Variants in SCHIP1 observed in about 807,000 individuals in gnomAD.
SCHIP1 encodes the protein schwannomin-interacting protein 1.
A neutral mutation model predicts 29.7 loss-of-function variants in SCHIP1; 8 were observed. The ratio of observed to expected loss-of-function variants is 0.27; its 90% CI spans 0.16 to 0.49. SCHIP1 has a LOEUF of 0.49. SCHIP1 is among the 20% of genes least tolerant of loss of function. The probability of loss-of-function intolerance (pLI) is 0.99; values close to 1 mark genes in which losing one functional copy is unlikely to be tolerated. For synonymous variants in SCHIP1, 76 were observed against 94.9 expected, an observed-to-expected ratio of 0.80 and a Z score of 1.16; for missense variants, 193 against 294.6, an observed-to-expected ratio of 0.66 and a Z score of 2.52.
At chr3:159,868,218 T>C (rs1447685930) in intron 2 of SCHIP1, among the ~76,000 whole-genome samples, 4 of 151,686 alleles carry the variant, frequency 2.6e-5, no homozygotes. Context: ...TGTGTATATG[T>C]ATACTCCAGA....
the SCHIP1 span, among the ~76,000 whole-genome samples, chr3:159,821,295 G>T: frequency 1.1e-4 from 17 of 152,190 alleles, no homozygotes; most frequent in African/African-American, 4.1e-4. Flanking sequence ...GTCTTTCAAG[G>T]AGTTTTGTGG....
the SCHIP1 span, among the ~76,000 whole-genome samples, chr3:159,786,149 T>TG: frequency 2.0e-5 from 3 of 152,244 alleles, no homozygotes; most frequent in Non-Finnish European, 4.4e-5. Context: ...AGGAAATACC[T>TG]GGAAGACTTA....
At chr3:159,342,217 G>A in the SCHIP1 span, among the ~76,000 whole-genome samples, 1 of 152,098 alleles carries the variant, frequency 6.6e-6, no homozygotes, top group Non-Finnish European at 1.5e-5. Context: ...AGAAATTTCA[G>A]GCATTTTGAC....
the SCHIP1 span, among the ~76,000 whole-genome samples, chr3:159,275,312 C>T: frequency 6.6e-6 from 1 of 152,254 alleles, no homozygotes; most frequent in South Asian, 2.1e-4. Context: ...CACACCATTG[C>T]ATGTACCTCT....
chr3:159,362,374 AGGACTTCT>A, the SCHIP1 span, among the ~76,000 whole-genome samples: 2 of 152,204 alleles, frequency 1.3e-5, no homozygotes, highest in African/African-American at 2.4e-5. Flanking sequence ...GATTTACTTA[AGGACTTCT>A]GCACAGCACG....
At chr3:159,778,322 T>TTA in the SCHIP1 span, among the ~76,000 whole-genome samples, 2 of 152,038 alleles carry the variant, frequency 1.3e-5, no homozygotes, top group African/African-American at 4.8e-5. Flanking sequence ...AGTTTTTTTT[T>TTA]AAAAAACTTA....
At chr3:159,426,788 A>C in the SCHIP1 span, among the ~76,000 whole-genome samples, 3 of 152,202 alleles carry the variant, frequency 2.0e-5, no homozygotes, top group Non-Finnish European at 2.9e-5. Context: ...ATCCTCAATA[A>C]AATACTGGCA....
the SCHIP1 span, among the ~76,000 whole-genome samples, chr3:159,755,342 T>C: frequency 2.6e-5 from 4 of 152,214 alleles, no homozygotes; most frequent in East Asian, 1.9e-4. Flanking sequence ...ACATCTTATA[T>C]GGATGGCAGC....
the SCHIP1 span, among the ~76,000 whole-genome samples, chr3:159,775,598 G>T: frequency 6.6e-6 from 1 of 152,176 alleles, no homozygotes; most frequent in Non-Finnish European, 1.5e-5. Context: ...CTAGCACAGG[G>T]TGCCTCTGGT....
At chr3:159,870,102 C>G (rs746194815) in intron 2 of SCHIP1, among the ~76,000 whole-genome samples, 1 of 151,930 alleles carries the variant, frequency 6.6e-6, no homozygotes, top group Non-Finnish European at 1.5e-5. Context: ...TACTTCTCTA[C>G]TCTCCTATTA....
At chr3:159,804,051 G>C in the SCHIP1 span, among the ~76,000 whole-genome samples, 3 of 152,150 alleles carry the variant, frequency 2.0e-5, no homozygotes, top group African/African-American at 7.2e-5. Context: ...TGACCCTTTT[G>C]ATGTTTCTTT....
chr3:159,764,570 CG>C, the SCHIP1 span: 4 of 1,604,894 alleles, frequency 2.5e-6, no homozygotes, highest in Non-Finnish European at 3.4e-6. The surrounding 1 kb of genome is among the most constrained non-coding windows in gnomAD (Gnocchi z 6.1). Context: ...TCATCGTCGC[CG>C]GGGGGCAGCC....
chr3:159,609,585 G>A, the SCHIP1 span, among the ~76,000 whole-genome samples: 2 of 151,990 alleles, frequency 1.3e-5, no homozygotes. Context: ...GATTGTAAGT[G>A]ATAAGTGCCA....
At chr3:159,293,742 T>C in the SCHIP1 span, among the ~76,000 whole-genome samples, 17,036 of 152,212 alleles carry the variant, frequency 0.11, 1,077 homozygotes, top group Middle Eastern at 0.14. Flanking sequence ...TTTAAAAGCC[T>C]ATTATTCTCA....
the SCHIP1 span, among the ~76,000 whole-genome samples, chr3:159,603,442 C>G: frequency 6.6e-6 from 1 of 151,716 alleles, no homozygotes; most frequent in Non-Finnish European, 1.5e-5. Context: ...CTGAAAGTCC[C>G]AACTCTCTAA....
At chr3:159,670,776 A>G in the SCHIP1 span, among the ~76,000 whole-genome samples, 1 of 151,888 alleles carries the variant, frequency 6.6e-6, no homozygotes, top group African/African-American at 2.4e-5. Context: ...AAACAACCCC[A>G]TCCTCCCTGG....
chr3:159,445,218 A>C, the SCHIP1 span, among the ~76,000 whole-genome samples: 1 of 152,216 alleles, frequency 6.6e-6, no homozygotes, highest in South Asian at 2.1e-4. Context: ...TGGGCAAAGG[A>C]TATGAACAGA....
the SCHIP1 span, among the ~76,000 whole-genome samples, chr3:159,326,429 A>G: frequency 6.6e-6 from 1 of 152,278 alleles, no homozygotes; most frequent in Non-Finnish European, 1.5e-5. Context: ...TTATCTCTTC[A>G]TATGTTTAAC....
the SCHIP1 span, among the ~76,000 whole-genome samples, chr3:159,614,373 C>T: frequency 6.6e-6 from 1 of 152,138 alleles, no homozygotes; most frequent in African/African-American, 2.4e-5. Flanking sequence ...TTTATTTTCT[C>T]ATCTTAAAGT....
Sources: gnomAD v4.1 joint callset for allele counts (sites outside exome capture counted in the v4.1 genomes callset) on GRCh38, gnomAD v4.1.1 for gene constraint, Gnocchi (gnomAD v3.1) non-coding constraint, MANE v1.5 for transcripts, NCBI Gene and HGNC (gene_info 2026-07-23, HGNC 2026-07-21) for gene names.